Variants in POU6F2 observed in about 807,000 individuals in gnomAD.
POU6F2 encodes POU class 6 homeobox 2.
A neutral mutation model predicts 71.3 loss-of-function variants in POU6F2; 31 were observed. The observed-to-expected ratio is 0.43, with a 90% CI of 0.33 to 0.59. The LOEUF (loss-of-function observed/expected upper bound fraction) is 0.59. POU6F2 is among the 20% of genes least tolerant of loss of function. The pLI is 0.04. For missense variants in POU6F2, 783 were observed against 856.8 expected, an observed-to-expected ratio of 0.91 and a Z score of 1.07; for synonymous variants, 347 against 355.7, an observed-to-expected ratio of 0.98 and a Z score of 0.27.
chr7:39,020,682 A>T (rs1416806253), intron 1 of POU6F2, among the ~76,000 whole-genome samples: 1 of 151,742 alleles, frequency 6.6e-6, no homozygotes, highest in Non-Finnish European at 1.5e-5. Context: ...GATCTGTCAC[A>T]CTCTGAAAGA....
At chr7:39,124,706 G>A (rs1039491821) in intron 2 of POU6F2, among the ~76,000 whole-genome samples, 1 of 152,082 alleles carries the variant, frequency 6.6e-6, no homozygotes, top group Non-Finnish European at 1.5e-5. Context: ...AAACAACCAC[G>A]TTTCGGGGAC....
chr7:39,046,228 G>T (rs544364444), intron 1 of POU6F2, among the ~76,000 whole-genome samples: 1 of 151,666 alleles, frequency 6.6e-6, no homozygotes, highest in East Asian at 1.9e-4. Flanking sequence ...ATCCTTTCCC[G>T]TGTCTTTTAG....
intron 2 of POU6F2, among the ~76,000 whole-genome samples, chr7:39,168,007 G>T (rs7789827): frequency 0.041 from 6,305 of 151,992 alleles, 189 homozygotes; most frequent in Non-Finnish European, 0.064. Flanking sequence ...TTTAAAAATA[G>T]ATATTTAATC....
At chr7:39,226,512 TTCTTCATTGTTTAGGTAATG>T (rs1794463362) in intron 4 of POU6F2, among the ~76,000 whole-genome samples, 2 of 152,212 alleles carry the variant, frequency 1.3e-5, no homozygotes, top group Admixed American at 1.3e-4. Flanking sequence ...TTCTCCTTAG[TTCTTCATTGTTTAGGTAATG>T]TCTAAGAAAG....
chr7:39,157,765 G>A (rs531278024), intron 2 of POU6F2, among the ~76,000 whole-genome samples: 12 of 152,258 alleles, frequency 7.9e-5, no homozygotes, highest in African/African-American at 1.4e-4. Flanking sequence ...TAATCAAGTC[G>A]GGTTAAACAT....
chr7:39,464,373 G>A lies in POU6F2; in HGVS notation c.1850G>A (p.Arg617His), dbSNP rs560129989. 16 of 1,613,908 alleles carry A rather than the reference G, an allele frequency of 9.9e-6. No homozygotes were observed. Among genetic ancestry groups the A allele is most frequent in the East Asian group, 2.2e-5 (1 of 44,896 alleles). ...CGGTGGATGGCTGAGGCTGAGGCCC[G>A]CCATCGAGCAGGTATGCAGAACCTG... is the stretch of plus-strand genomic sequence containing the variant. ...LERWMAEAEA[R>H]HRAGMQNLTE... The change falls in exon 10 of 10, where the codon CGC becomes CAC. Residue 617 changes from arginine (R) to histidine (H), a missense_variant. Transcript: ENST00000518318. This position sits in a 1 kb window ranked among gnomAD's most constrained non-coding sequence, Gnocchi z 4.1.
At chr7:39,185,847 ATATGTATGTGTATATATGTATATATG>A (rs1372326947) in intron 2 of POU6F2, among the ~76,000 whole-genome samples, 1 of 73,062 alleles carries the variant, frequency 1.4e-5, no homozygotes, top group African/African-American at 6.2e-5. Context: ...ATGTATATGT[ATATGTATGTGTATATATGTATATATG>A]TATATGTATA....
At chr7:39,271,239 T>C (rs1299186955) in intron 4 of POU6F2, among the ~76,000 whole-genome samples, 1 of 152,200 alleles carries the variant, frequency 6.6e-6, no homozygotes, top group Non-Finnish European at 1.5e-5. Flanking sequence ...TGTCCTTGGA[T>C]AAAGTTTTAT....
At chr7:39,009,465 C>T (rs892364879) in intron 1 of POU6F2, among the ~76,000 whole-genome samples, 2 of 152,186 alleles carry the variant, frequency 1.3e-5, no homozygotes, top group African/African-American at 4.8e-5. Context: ...ATGTCATCTG[C>T]AAACAGGGAC....
chr7:39,378,349 A>C (rs566662747), intron 5 of POU6F2, among the ~76,000 whole-genome samples: 1 of 152,024 alleles, frequency 6.6e-6, no homozygotes, highest in Non-Finnish European at 1.5e-5. Flanking sequence ...CCTCCTTCCC[A>C]TCCTTCCTTA....
At chr7:39,129,909 AC>A (rs1458503026) in intron 2 of POU6F2, among the ~76,000 whole-genome samples, 1 of 152,002 alleles carries the variant, frequency 6.6e-6, no homozygotes, top group Non-Finnish European at 1.5e-5. Flanking sequence ...ACTAAAAAAT[AC>A]AAAAAAATTA....
chr7:38,999,708 T>A (rs1367389259), intron 1 of POU6F2, among the ~76,000 whole-genome samples: 3 of 152,206 alleles, frequency 2.0e-5, no homozygotes, highest in African/African-American at 7.2e-5. Flanking sequence ...GTTTACGTGC[T>A]TTTTGCAATG....
At chr7:39,361,940 A>G (rs1786397616) in intron 5 of POU6F2, among the ~76,000 whole-genome samples, 1 of 152,124 alleles carries the variant, frequency 6.6e-6, no homozygotes, top group Admixed American at 6.5e-5. Context: ...TGTCTCATGG[A>G]TGTAGCATGT....
chr7:39,221,384 CTTTTTTTTTTT>C (rs33915153), intron 4 of POU6F2, among the ~76,000 whole-genome samples: 2 of 86,332 alleles, frequency 2.3e-5, no homozygotes, highest in African/African-American at 9.6e-5. Flanking sequence ...CTCTCTCTCT[CTTTTTTTTTTT>C]TTTTTTTTTT....
intron 4 of POU6F2, among the ~76,000 whole-genome samples, chr7:39,270,536 G>A (rs921249235): frequency 3.3e-5 from 5 of 152,036 alleles, no homozygotes; most frequent in Admixed American, 6.6e-5. Context: ...TAGTCTCTTC[G>A]CTTCTCTTCT....
intron 6 of POU6F2, among the ~76,000 whole-genome samples, chr7:39,407,398 G>C (rs890448628): frequency 6.6e-6 from 1 of 150,466 alleles, no homozygotes; most frequent in African/African-American, 2.5e-5. Flanking sequence ...GAGAGGGTCT[G>C]TCCCCTCAAC....
chr7:39,403,534 G>A (rs1787349627), intron 5 of POU6F2, among the ~76,000 whole-genome samples: 1 of 152,220 alleles, frequency 6.6e-6, no homozygotes, highest in East Asian at 1.9e-4. Flanking sequence ...CTTGGCAGCA[G>A]CTTCAAAATA....
At chr7:39,157,791 G>A (rs1461329986) in intron 2 of POU6F2, among the ~76,000 whole-genome samples, 1 of 152,184 alleles carries the variant, frequency 6.6e-6, no homozygotes, top group Non-Finnish European at 1.5e-5. Flanking sequence ...CTTTCAACAG[G>A]CAACGAATTG....
Position 39,464,847 on chromosome 7 carries a change from G to C in POU6F2, c.*161G>C, listed in dbSNP as rs1789032384. The C allele has an allele frequency of 1.0e-6, 1 of 977,804 alleles. No individual in the cohort carries two copies. The highest frequency in any genetic ancestry group is 1.5e-6 in the Non-Finnish European group (1 of 685,202). 60.6% of individuals were successfully genotyped at this position (977,804 alleles called of 1,614,324 possible). On this transcript the variant is annotated 3_prime_UTR_variant, in exon 10 of 10. Transcript: ENST00000518318. This position sits in a 1 kb window ranked among gnomAD's most constrained non-coding sequence, Gnocchi z 4.1. ...GACTAAGAAAACTACCAAGTGGACAGAATGGTTTCTACATGTCCGTTGGTT... is the reference window on the plus strand; with the variant it reads ...GACTAAGAAAACTACCAAGTGGACACAATGGTTTCTACATGTCCGTTGGTT...
Sources: gnomAD v4.1 joint callset for allele counts (sites outside exome capture counted in the v4.1 genomes callset) on GRCh38, gnomAD v4.1.1 for gene constraint, Gnocchi (gnomAD v3.1) non-coding constraint, MANE v1.5 for transcripts, NCBI Gene and HGNC (gene_info 2026-07-23, HGNC 2026-07-21) for gene names.